Variants in PTPN5 observed in about 807,000 individuals in gnomAD.
PTPN5 encodes protein tyrosine phosphatase non-receptor type 5, also known as tyrosine-protein phosphatase non-receptor type 5.
In PTPN5, 29 loss-of-function variants were observed where a neutral mutation model predicts 73.9. The observed-to-expected ratio is 0.39, with a 90% CI of 0.29 to 0.54. The LOEUF is 0.54. Ranked by LOEUF, PTPN5 falls within the 20% of genes least tolerant of loss-of-function variation. PTPN5 has a pLI of 0.65. For missense variants in PTPN5, 652 were observed against 751.4 expected, an observed-to-expected ratio of 0.87 and a Z score of 1.55; for synonymous variants, 267 against 304.7, an observed-to-expected ratio of 0.88 and a Z score of 1.29.
Position 18,770,298 on chromosome 11 carries a change from C to G in PTPN5, c.20+1641G>C, listed in dbSNP as rs1296754109. The stretch of plus-strand genomic sequence containing the variant: ...TCCTGTACTCATTAAGGAGTCACTC[C>G]CTGTCCTCCTCCCCACAGCCCCTGG... On this transcript the variant is annotated intron_variant, in intron 2 of 14. Coordinates refer to ENST00000358540, the MANE Select transcript of PTPN5 (RefSeq NM_006906.2). Among the ~76,000 whole-genome samples the G allele has an allele frequency of 2.0e-5, 3 of 152,120 alleles. No homozygotes were observed. In the East Asian group the frequency reaches 5.8e-4, roughly 29 times the overall value.
chr11:18,734,789 T>C (rs1249824969), intron 9 of PTPN5, among the ~76,000 whole-genome samples: 1 of 152,178 alleles, frequency 6.6e-6, no homozygotes. Context: ...TCTGGTTTAG[T>C]TTTGTCATCA....
At chr11:18,781,323 CTTT>C (rs58611404) in intron 1 of PTPN5, among the ~76,000 whole-genome samples, 1 of 114,426 alleles carries the variant, frequency 8.7e-6, no homozygotes, top group African/African-American at 3.2e-5. Flanking sequence ...TTTTTGACCA[CTTT>C]TTTTTTTTTT....
At chr11:18,770,395 A>C (rs1457603300) in intron 2 of PTPN5, among the ~76,000 whole-genome samples, 1 of 152,332 alleles carries the variant, frequency 6.6e-6, no homozygotes, top group South Asian at 2.1e-4. Context: ...GAATCATAAA[A>C]TATGTAGCCT....
chr11:18,750,562 G>C (rs1303259304), intron 3 of PTPN5, among the ~76,000 whole-genome samples: 1 of 152,206 alleles, frequency 6.6e-6, no homozygotes, highest in Non-Finnish European at 1.5e-5. Context: ...TCATAGGATT[G>C]TTGCTCCTAT....
intron 1 of PTPN5, among the ~76,000 whole-genome samples, chr11:18,778,716 C>T (rs779894426): frequency 1.3e-5 from 2 of 152,218 alleles, no homozygotes; most frequent in Non-Finnish European, 1.5e-5. Flanking sequence ...CAGTGCCCTG[C>T]TTCCTGTACA....
At chr11:18,790,291 G>C (rs1851856934) in intron 1 of PTPN5, among the ~76,000 whole-genome samples, 2 of 152,152 alleles carry the variant, frequency 1.3e-5, no homozygotes, top group South Asian at 4.1e-4. Context: ...CCTCCGCAAA[G>C]GGATGACTAC....
chr11:18,737,700 G>A (rs1284915747), intron 9 of PTPN5, among the ~76,000 whole-genome samples, 180 bp downstream of exon 9: 1 of 152,142 alleles, frequency 6.6e-6, no homozygotes, highest in African/African-American at 2.4e-5. Context: ...GCGAGGAAAT[G>A]TACTCGCCTC....
At chr11:18,792,375 C>A (rs1851967107), upstream of PTPN5, 1 of 152,396 alleles carries the variant, frequency 6.6e-6, no homozygotes, top group Admixed American at 6.5e-5. Flanking sequence ...CGTTCTAGGA[C>A]GCTGAGGAGG....
intron 3 of PTPN5, among the ~76,000 whole-genome samples, chr11:18,752,854 T>C (rs975401566): frequency 2.6e-5 from 4 of 152,150 alleles, no homozygotes; most frequent in African/African-American, 9.7e-5. Flanking sequence ...TAAGCACAAA[T>C]GCTTGGGGAG....
chr11:18,775,395 G>A (rs1450199021), intron 1 of PTPN5, among the ~76,000 whole-genome samples: 2 of 152,234 alleles, frequency 1.3e-5, no homozygotes, highest in African/African-American at 2.4e-5. Context: ...AGGGGGTGAA[G>A]TGACCCAAGC....
intron 3 of PTPN5, among the ~76,000 whole-genome samples, chr11:18,755,642 G>T (rs1850096969): frequency 6.6e-6 from 1 of 151,984 alleles, no homozygotes; most frequent in Non-Finnish European, 1.5e-5. Flanking sequence ...ATTCCAAATG[G>T]TCTTGCTTGT....
chr11:18,765,308 G>A (rs887961778), intron 3 of PTPN5, among the ~76,000 whole-genome samples: 1 of 151,860 alleles, frequency 6.6e-6, no homozygotes, highest in Admixed American at 6.6e-5. Flanking sequence ...ATATCTCCAC[G>A]GTGGCTGCAA....
intron 1 of PTPN5, among the ~76,000 whole-genome samples, chr11:18,776,073 G>A (rs1851139333): frequency 6.6e-6 from 1 of 152,142 alleles, no homozygotes; most frequent in African/African-American, 2.4e-5. Flanking sequence ...TATCCGGTCT[G>A]ATCCTCTGTT....
intron 1 of PTPN5, among the ~76,000 whole-genome samples, chr11:18,779,141 C>T (rs993896617): frequency 2.0e-5 from 3 of 152,158 alleles, no homozygotes; most frequent in African/African-American, 7.2e-5. Flanking sequence ...CCTGCCACAC[C>T]CTGCTGTGAG....
chr11:18,790,082 C>T (rs1001494579), intron 1 of PTPN5, among the ~76,000 whole-genome samples: 2 of 151,984 alleles, frequency 1.3e-5, no homozygotes, highest in Non-Finnish European at 2.9e-5. Context: ...TGCTTGTACT[C>T]CTTCAACACA....
At chr11:18,783,545 C>T (rs1478777714) in intron 1 of PTPN5, among the ~76,000 whole-genome samples, 2 of 152,194 alleles carry the variant, frequency 1.3e-5, no homozygotes, top group Non-Finnish European at 2.9e-5. Flanking sequence ...TCTTGCTGTG[C>T]GTACCTGAAA....
chr11:18,768,771 G>A (rs183689345), intron 2 of PTPN5, among the ~76,000 whole-genome samples: 36 of 152,308 alleles, frequency 2.4e-4, no homozygotes, highest in Admixed American at 1.0e-3. Flanking sequence ...CACAGCCTGC[G>A]TGTCTAGACT....
intron 11 of PTPN5, among the ~76,000 whole-genome samples, 174 bp from the exon 12 acceptor site, chr11:18,732,876 G>C (rs1221997816): frequency 6.6e-6 from 1 of 152,218 alleles, no homozygotes. Flanking sequence ...CTGAGTCTCA[G>C]TTTCTTCCTC....
chr11:18,746,910 T>C (rs1202368166), intron 3 of PTPN5, among the ~76,000 whole-genome samples: 1 of 152,184 alleles, frequency 6.6e-6, no homozygotes, highest in Non-Finnish European at 1.5e-5. Flanking sequence ...AGTTGACAGG[T>C]GATGCCAAAT....
Sources: gnomAD v4.1 joint callset for allele counts (sites outside exome capture counted in the v4.1 genomes callset) on GRCh38, gnomAD v4.1.1 for gene constraint, MANE v1.5 for transcripts, NCBI Gene and HGNC (gene_info 2026-07-23, HGNC 2026-07-21) for gene names.